Variants in ARHGEF1 observed in about 807,000 individuals in gnomAD.
ARHGEF1 encodes 115 kDa guanine nucleotide exchange factor.
Under a neutral mutation model 119.7 loss-of-function variants are expected in ARHGEF1, and 40 were observed. That is an observed-to-expected ratio of 0.33 (90% CI 0.26 to 0.44). ARHGEF1 has a LOEUF of 0.44. Among genes scored for constraint, ARHGEF1 ranks in the 20% least tolerant of loss-of-function variants. The pLI, the probability that ARHGEF1 is intolerant of heterozygous loss-of-function variation, is 1.00. For missense variants in ARHGEF1, 976 were observed against 1,268.3 expected, an observed-to-expected ratio of 0.77 and a Z score of 3.50; for synonymous variants, 494 against 521.0, an observed-to-expected ratio of 0.95 and a Z score of 0.71.
At chr19:41,886,811 G>A (rs1045605238) in intron 1 of ARHGEF1, among the ~76,000 whole-genome samples, 4 of 152,184 alleles carry the variant, frequency 2.6e-5, no homozygotes, top group South Asian at 4.1e-4. Flanking sequence ...GGAGAAGGGC[G>A]GGTCTCTGCT....
At chr19:41,908,833 AC>A (rs1257831116), downstream of ARHGEF1, among the ~76,000 whole-genome samples, 1 of 79,640 alleles carries the variant, frequency 1.3e-5, no homozygotes, top group Non-Finnish European at 2.6e-5. This position sits in a 1 kb window ranked among gnomAD's most constrained non-coding sequence, Gnocchi z 6.7. Flanking sequence ...ATCTCCTCCC[AC>A]TCCCCCACTT....
rs376838085 is a variant in ARHGEF1, at chr19:41,904,192, G to C, written c.1994-24G>C. ...GGAGGGGGTCGCGCGGGGGCACGCC[G>C]TGTGAGCACTGCTCGCCCCGTAGAG... is the stretch of plus-strand genomic sequence containing the variant. On this transcript the variant is annotated intron_variant, in intron 21 of 28. Coordinates refer to ENST00000354532, the MANE Select transcript of ARHGEF1 (RefSeq NM_004706.4). This position sits in a 1 kb window ranked among gnomAD's most constrained non-coding sequence, Gnocchi z 8.4. The C allele has an allele frequency of 1.9e-6, 3 of 1,612,932 alleles. No individual in the cohort carries two copies. The highest frequency in any genetic ancestry group is 2.2e-5 in the South Asian group (2 of 91,024).
In ARHGEF1 at chr19:41,892,785, G is replaced by A. The variant is rs782816744; in HGVS notation, c.550G>A (p.Ala184Thr). Residue 184 changes from alanine to threonine, a missense_variant, in exon 7 of 29, where the codon GCC becomes ACC. Transcript: ENST00000354532. The surrounding 1 kb of genome is among the most constrained non-coding windows in gnomAD (Gnocchi z 6.3). ...GGAGGCTTGGGTTGGGCGGGACCGA[G>A]CCAGCTACGAGGCCCGGGAGCGGCA... ...QLEAWVGRDRASYEARERHVA... is the reference protein window; with the variant it reads ...QLEAWVGRDRTSYEARERHVA... 1.2e-6 allele frequency: 2 copies of A among 1,600,870 alleles called. No homozygotes were observed. The highest frequency in any genetic ancestry group is 8.5e-7 in the Non-Finnish European group (1 of 1,175,746).
intron 18 of ARHGEF1, among the ~76,000 whole-genome samples, chr19:41,915,685 C>T (rs1051362645): frequency 1.1e-4 from 17 of 152,056 alleles, no homozygotes; most frequent in Non-Finnish European, 2.4e-4. Context: ...GTCTCCATGT[C>T]TCCATCTCCA....
Position 41,906,091 on chromosome 19 carries a change from A to G in ARHGEF1, c.2491+66A>G. 3 of 1,455,788 alleles carry G rather than the reference A, an allele frequency of 2.1e-6. No homozygotes were observed. Among genetic ancestry groups the G allele is most frequent in the Non-Finnish European group, 2.9e-6 (3 of 1,045,664 alleles). The allele number at this position is 1,455,788 out of a possible 1,614,324, so 90.2% of individuals were successfully genotyped here. A position where few individuals can be genotyped will look rare whatever the true frequency, so the allele number is the denominator to read the frequency against. ...ACAGTGCCTCTGTTCCAACTAGAACAAGGCTCTCCACGTCAAAAATTTCCT... is the reference window on the plus strand; with the variant it reads ...ACAGTGCCTCTGTTCCAACTAGAACGAGGCTCTCCACGTCAAAAATTTCCT... On this transcript the variant is annotated intron_variant, in intron 26 of 28. Transcript: ENST00000354532. This position sits in a 1 kb window ranked among gnomAD's most constrained non-coding sequence, Gnocchi z 4.5.
chr19:41,925,124 T>G (rs2074863715), intron 1 of ARHGEF1, among the ~76,000 whole-genome samples: 1 of 151,998 alleles, frequency 6.6e-6, no homozygotes, highest in Non-Finnish European at 1.5e-5. Context: ...TGAAGAGATG[T>G]GAAGCAAAGA....
In ARHGEF1 at chr19:41,894,199, C is replaced by T. The variant is rs1419400248; in HGVS notation, c.645-8C>T. On this transcript the variant is annotated splice_region_variant and splice_polypyrimidine_tract_variant and intron_variant, in intron 8 of 28. Transcript: ENST00000354532. ...GTGTGTTGAGCCCTCACTGTCCCTT[C>T]CCTACAGTGCTGCCGTGGTCAACGC... 9.9e-6 allele frequency: 15 copies of T among 1,510,946 alleles called. No homozygotes were observed. Among genetic ancestry groups the T allele is most frequent in the Non-Finnish European group, 1.2e-5 (13 of 1,126,676 alleles). 93.6% of individuals were successfully genotyped at this position (1,510,946 alleles called of 1,614,324 possible). A position where few individuals can be genotyped will look rare whatever the true frequency, so the allele number is the denominator to read the frequency against.
upstream of ARHGEF1, among the ~76,000 whole-genome samples, chr19:41,918,475 G>A (rs1347403131): frequency 2.9e-5 from 3 of 103,498 alleles, no homozygotes; most frequent in South Asian, 3.4e-4. Context: ...CACCACACAC[G>A]CACCACGCAC....
At chr19:41,901,261 T>A (rs1269808271) in intron 14 of ARHGEF1, among the ~76,000 whole-genome samples, 1 of 152,056 alleles carries the variant, frequency 6.6e-6, no homozygotes, top group Non-Finnish European at 1.5e-5. Context: ...GAGATTCTCC[T>A]GCCTCAGCCT....
At position 41,917,476 on chromosome 19, in the gene ARHGEF1, C is replaced by A. The variant is rs1290054428; in HGVS notation, c.1866-5616C>A. ...CCAGCCCCTTCATCCCTCACCCAGGCCCCCCCATCCCCACCTCCCCTTAAC... is the reference window on the plus strand; with the variant it reads ...CCAGCCCCTTCATCCCTCACCCAGGACCCCCCATCCCCACCTCCCCTTAAC... On this transcript the variant is annotated intron_variant, in intron 18 of 20. Coordinates refer to the ARHGEF1 transcript ENST00000599589. This position sits in a 1 kb window ranked among gnomAD's most constrained non-coding sequence, Gnocchi z 4.8. 2.0e-5 allele frequency among the ~76,000 whole-genome samples: 3 copies of A among 147,810 alleles called. No homozygotes were observed. Among genetic ancestry groups the A allele is most frequent in the African/African-American group, 5.0e-5 (2 of 39,872 alleles).
chr19:41,889,386 A>T lies in ARHGEF1; in HGVS notation c.225+521A>T, dbSNP rs1381614344. 6.5e-6 allele frequency: 1 copy of T among 153,086 alleles called. No individual in the cohort carries two copies. The highest frequency in any genetic ancestry group is 1.9e-4 in the East Asian group (1 of 5,222). 9.5% of individuals were successfully genotyped at this position (153,086 alleles called of 1,614,324 possible). ...CCACCACACACAGCTCACAAGGCAGACCACACAATTGTGGATCCAGAAGCC... is the reference window on the plus strand; with the variant it reads ...CCACCACACACAGCTCACAAGGCAGTCCACACAATTGTGGATCCAGAAGCC... On this transcript the variant is annotated intron_variant, in intron 4 of 28. Coordinates refer to ENST00000354532, the MANE Select transcript of ARHGEF1 (RefSeq NM_004706.4). The surrounding 1 kb of genome is among the most constrained non-coding windows in gnomAD (Gnocchi z 4.0).
chr19:41,905,276 G>C lies in ARHGEF1; in HGVS notation c.2336+15G>C. ...AGCCCGAGCAGGTGAGGGGGGCCAT[G>C]GAGAGAGCTGGAGGTTCAGGGAGTG... On this transcript the variant is annotated intron_variant, in intron 24 of 28. Transcript: ENST00000354532. This position sits in a 1 kb window ranked among gnomAD's most constrained non-coding sequence, Gnocchi z 6.4. 1 of 1,601,804 alleles carries C rather than the reference G, an allele frequency of 6.2e-7. No homozygotes were observed.
downstream of ARHGEF1, among the ~76,000 whole-genome samples, chr19:41,911,976 C>A (rs868943949): frequency 1.8e-3 from 276 of 152,048 alleles, 2 homozygotes; most frequent in African/African-American, 6.4e-3. Context: ...GGATGCATCC[C>A]CCCCACAGCC....
rs1555849311 is a variant in ARHGEF1 at position 41,902,771 on chromosome 19, A to G, written c.1624-13A>G. ...AAGCCTGGGCCATCGCAACACCAGC[A>G]TGTTTCCCGCAGGAAGCTGAGAGCC... On this transcript the variant is annotated splice_polypyrimidine_tract_variant and intron_variant, in intron 17 of 28. Coordinates refer to ENST00000354532, the MANE Select transcript of ARHGEF1 (RefSeq NM_004706.4). The surrounding 1 kb of genome is among the most constrained non-coding windows in gnomAD (Gnocchi z 6.5). The G allele has an allele frequency of 1.9e-6, 3 of 1,613,286 alleles. No individual in the cohort carries two copies. Among genetic ancestry groups the G allele is most frequent in the South Asian group, 1.1e-5 (1 of 91,066 alleles).
Position 41,917,412 on chromosome 19 carries a change from G to GC in ARHGEF1, c.1866-5678dup. ...GTTTTGATTTCTCTAAGCTGCGCCG[G>GC]CCGCCTCGGGAGCCGCCTCGGGCCT... On this transcript the variant is annotated intron_variant, in intron 18 of 20. Transcript: ENST00000599589. The surrounding 1 kb of genome is among the most constrained non-coding windows in gnomAD (Gnocchi z 4.8). 6.6e-6 allele frequency among the ~76,000 whole-genome samples: 1 copy of GC among 151,994 alleles called. No homozygotes were observed. Among genetic ancestry groups the GC allele is most frequent in the South Asian group, 2.1e-4 (1 of 4,818 alleles).
At chr19:41,896,191 T>A (rs1449454858) in intron 12 of ARHGEF1, among the ~76,000 whole-genome samples, 186 bp from the exon 13 acceptor site, 1 of 152,138 alleles carries the variant, frequency 6.6e-6, no homozygotes, top group Non-Finnish European at 1.5e-5. Flanking sequence ...ATCTTCATGC[T>A]CCTGCCCCTA....
chr19:41,888,874 A>C lies in ARHGEF1; in HGVS notation c.225+9A>C, dbSNP rs782295060. The C allele has an allele frequency of 2.8e-6, 4 of 1,425,244 alleles. No individual in the cohort carries two copies. The African/African-American group carries it at 5.7e-5, about 20-fold the overall frequency. The allele number at this position is 1,425,244 out of a possible 1,614,324, so 88.3% of individuals were successfully genotyped here. A position where few individuals can be genotyped will look rare whatever the true frequency, so the allele number is the denominator to read the frequency against. ...TTGAGCCAGGACCCCTGGTGAGGGC[A>C]GGGCTGGGTGGGCACAGGGAGGGGT... On this transcript the variant is annotated intron_variant, in intron 4 of 28. Coordinates refer to ENST00000354532, the MANE Select transcript of ARHGEF1 (RefSeq NM_004706.4). This position sits in a 1 kb window ranked among gnomAD's most constrained non-coding sequence, Gnocchi z 5.1.
chr19:41,924,435 GAC>G (rs2074859783), intron 1 of ARHGEF1, among the ~76,000 whole-genome samples: 1 of 152,158 alleles, frequency 6.6e-6, no homozygotes, highest in Non-Finnish European at 1.5e-5. Context: ...GGACAAATGA[GAC>G]AATGGGTGTG....
chr19:41,919,558 C>T (rs1264361404), upstream of ARHGEF1, among the ~76,000 whole-genome samples: 1 of 152,116 alleles, frequency 6.6e-6, no homozygotes, highest in African/African-American at 2.4e-5. Flanking sequence ...AACCCAGACT[C>T]AGACACAAGC....
Sources: gnomAD v4.1 joint callset for allele counts (sites outside exome capture counted in the v4.1 genomes callset) on GRCh38, gnomAD v4.1.1 for gene constraint, Gnocchi (gnomAD v3.1) non-coding constraint, MANE v1.5 for transcripts, NCBI Gene and HGNC (gene_info 2026-07-23, HGNC 2026-07-21) for gene names.